DPP10: variants seen among roughly 807,000 people sequenced by gnomAD.
The protein encoded by DPP10 is inactive dipeptidyl peptidase 10.
A neutral mutation model predicts 120.9 loss-of-function variants in DPP10; 33 were observed. That is an observed-to-expected ratio of 0.27 (90% CI 0.21 to 0.37). The LOEUF (loss-of-function observed/expected upper bound fraction) is 0.37. Ranked by LOEUF, DPP10 falls within the 10% of genes least tolerant of loss-of-function variation. DPP10 has a pLI of 1.00. For missense variants in DPP10, 816 were observed against 942.8 expected, an observed-to-expected ratio of 0.87 and a Z score of 1.76; for synonymous variants, 337 against 326.1, an observed-to-expected ratio of 1.03 and a Z score of -0.36.
intron 1 of DPP10, among the ~76,000 whole-genome samples, chr2:114,784,668 G>A (rs1007921664): frequency 2.0e-4 from 30 of 151,978 alleles, no homozygotes; most frequent in African/African-American, 7.0e-4. Context: ...TGTCACTCAG[G>A]GAACTCCACA....
At chr2:114,834,575 A>AT in intron 1 of DPP10, among the ~76,000 whole-genome samples, 2 of 145,620 alleles carry the variant, frequency 1.4e-5, no homozygotes, top group African/African-American at 2.5e-5. Context: ...ATGTATATAT[A>AT]AGCCATATCT....
chr2:115,386,689 C>T (rs563104416), intron 3 of DPP10, among the ~76,000 whole-genome samples: 5 of 151,982 alleles, frequency 3.3e-5, no homozygotes, highest in East Asian at 1.9e-4. Context: ...AGGAGGGGGG[C>T]GCTGTTACAC....
chr2:115,185,153 A>G (rs2054344110), intron 1 of DPP10, among the ~76,000 whole-genome samples: 1 of 152,162 alleles, frequency 6.6e-6, no homozygotes, highest in African/African-American at 2.4e-5. Flanking sequence ...CACTACAATG[A>G]CATCGTTAAA....
chr2:115,227,132 C>G (rs1032641325), intron 1 of DPP10, among the ~76,000 whole-genome samples: 1 of 152,114 alleles, frequency 6.6e-6, no homozygotes, highest in Non-Finnish European at 1.5e-5. Context: ...TTGCGTGGGA[C>G]CAATCTTCTC....
At chr2:115,030,998 T>A (rs1242112958) in intron 1 of DPP10, among the ~76,000 whole-genome samples, 1 of 152,062 alleles carries the variant, frequency 6.6e-6, no homozygotes, top group Non-Finnish European at 1.5e-5. Context: ...GGGAATTTCA[T>A]TTTTATTGAA....
In DPP10 at chr2:115,715,425, A is replaced by G. The variant is rs1042698587; in HGVS notation, c.577-12391A>G. On this transcript the variant is annotated intron_variant, in intron 7 of 25. Transcript: ENST00000410059. The stretch of plus-strand genomic sequence containing the variant: ...TGGCCCAGCTAAAATACCATGGCTC[A>G]TCTGAAGCCTTTTTTTGACCCTCCC... Among the ~76,000 whole-genome samples the G allele has an allele frequency of 2.6e-5, 4 of 151,824 alleles. No individual in the cohort carries two copies. The East Asian group carries it at 7.7e-4, about 29-fold the overall frequency.
intron 1 of DPP10, among the ~76,000 whole-genome samples, chr2:114,555,374 A>C (rs1044260935): frequency 1.3e-5 from 2 of 152,210 alleles, no homozygotes; most frequent in African/African-American, 2.4e-5. Context: ...TCCACCTTCA[A>C]GGGTCTTATA....
chr2:115,653,245 TA>T (rs1189392341), intron 5 of DPP10, among the ~76,000 whole-genome samples: 4 of 152,060 alleles, frequency 2.6e-5, no homozygotes, highest in African/African-American at 9.6e-5. Flanking sequence ...GCAAAGAATG[TA>T]AAATCAGACA....
At chr2:115,767,471 A>ATGTG (rs550141969) in intron 12 of DPP10, among the ~76,000 whole-genome samples, 4 of 41,356 alleles carry the variant, frequency 9.7e-5, no homozygotes, top group Non-Finnish European at 2.1e-4. Flanking sequence ...CTACATACAT[A>ATGTG]TATGTGTGTG....
chr2:114,915,567 A>G (rs1694744491), intron 1 of DPP10, among the ~76,000 whole-genome samples: 1 of 152,226 alleles, frequency 6.6e-6, no homozygotes, highest in African/African-American at 2.4e-5. Context: ...TATGGCACAT[A>G]ATCTAAAATC....
intron 15 of DPP10, among the ~76,000 whole-genome samples, chr2:115,780,234 C>G (rs1682589443): frequency 6.6e-6 from 1 of 151,904 alleles, no homozygotes; most frequent in Non-Finnish European, 1.5e-5. Context: ...TTAAGCACCA[C>G]TATTGTAAAA....
intron 1 of DPP10, among the ~76,000 whole-genome samples, chr2:115,115,554 T>A (rs2049459005): frequency 6.6e-6 from 1 of 152,206 alleles, no homozygotes; most frequent in Non-Finnish European, 1.5e-5. Context: ...TTATCCCTTA[T>A]CTCACAAAGT....
At chr2:115,616,647 C>A (rs923829928) in intron 5 of DPP10, among the ~76,000 whole-genome samples, 2 of 152,060 alleles carry the variant, frequency 1.3e-5, no homozygotes, top group African/African-American at 4.8e-5. Flanking sequence ...TTGGCCATAA[C>A]CTCTCTCTGG....
At chr2:115,596,044 G>A (rs2082966743) in intron 5 of DPP10, among the ~76,000 whole-genome samples, 1 of 152,134 alleles carries the variant, frequency 6.6e-6, no homozygotes, top group South Asian at 2.1e-4. Flanking sequence ...CAGAGCTGCA[G>A]ATAATGCCTT....
intron 5 of DPP10, among the ~76,000 whole-genome samples, chr2:115,664,038 T>G (rs2089242570): frequency 1.3e-5 from 2 of 151,604 alleles, no homozygotes; most frequent in East Asian, 3.9e-4. Context: ...ATATATGTAT[T>G]TATCTACATT....
intron 5 of DPP10, among the ~76,000 whole-genome samples, chr2:115,605,004 A>G (rs2083605401): frequency 6.6e-6 from 1 of 152,188 alleles, no homozygotes; most frequent in Admixed American, 6.5e-5. Context: ...CTGCATAAAG[A>G]GAGTTTGATA....
chr2:115,446,337 C>G (rs1041213437), intron 3 of DPP10, among the ~76,000 whole-genome samples: 2 of 152,290 alleles, frequency 1.3e-5, no homozygotes, highest in East Asian at 1.9e-4. Context: ...TTGGAGCCCA[C>G]ACACAGAGTC....
At chr2:115,653,659 C>A (rs907994339) in intron 5 of DPP10, among the ~76,000 whole-genome samples, 5 of 151,874 alleles carry the variant, frequency 3.3e-5, no homozygotes, top group African/African-American at 4.8e-5. Flanking sequence ...TATTTCTTGT[C>A]TTTTCTAGAT....
At chr2:114,956,331 C>T (rs990868583) in intron 1 of DPP10, among the ~76,000 whole-genome samples, 1 of 150,842 alleles carries the variant, frequency 6.6e-6, no homozygotes. Flanking sequence ...AGAAATCTAT[C>T]CCATTTACAG....
Sources: gnomAD v4.1 joint callset for allele counts (sites outside exome capture counted in the v4.1 genomes callset) on GRCh38, gnomAD v4.1.1 for gene constraint, MANE v1.5 for transcripts, NCBI Gene and HGNC (gene_info 2026-07-23, HGNC 2026-07-21) for gene names.